Variants in CALCR observed in about 807,000 individuals in gnomAD.
The protein encoded by CALCR is calcitonin receptor.
CALCR carries 47 observed loss-of-function variants against 59.5 expected under a neutral mutation model. That is an observed-to-expected ratio of 0.79 (90% CI 0.63 to 1.01). CALCR has a LOEUF of 1.01. Among genes scored for constraint, CALCR ranks in the 50% least tolerant of loss-of-function variants. The pLI is 0.00. For synonymous variants in CALCR, 213 were observed against 211.3 expected, an observed-to-expected ratio of 1.01 and a Z score of -0.07; for missense variants, 566 against 597.1, an observed-to-expected ratio of 0.95 and a Z score of 0.54.
chr7:93,547,163 T>C (rs959868161), intron 2 of CALCR, among the ~76,000 whole-genome samples: 3 of 152,146 alleles, frequency 2.0e-5, no homozygotes, highest in Non-Finnish European at 4.4e-5. Context: ...ACTCCACTCT[T>C]GGTAGATCTG....
intron 2 of CALCR, among the ~76,000 whole-genome samples, chr7:93,498,144 A>C (rs1801249633): frequency 1.3e-5 from 2 of 151,796 alleles, no homozygotes; most frequent in South Asian, 4.1e-4. Flanking sequence ...AAAATGAAGC[A>C]ATGATGTATA....
intron 9 of CALCR, among the ~76,000 whole-genome samples, chr7:93,439,157 T>C (rs1584537229): frequency 6.6e-6 from 1 of 152,184 alleles, no homozygotes; most frequent in Non-Finnish European, 1.5e-5. Context: ...TAGGAAAGAA[T>C]TAAATCAATG....
At chr7:93,543,434 C>T (rs924690367) in intron 2 of CALCR, among the ~76,000 whole-genome samples, 3 of 152,060 alleles carry the variant, frequency 2.0e-5, no homozygotes, top group Admixed American at 6.6e-5. Flanking sequence ...CATGAGTCAC[C>T]GTGCGTGGCC....
intron 2 of CALCR, among the ~76,000 whole-genome samples, chr7:93,558,504 T>C (rs1789662695): frequency 6.6e-6 from 1 of 152,148 alleles, no homozygotes; most frequent in African/African-American, 2.4e-5. Context: ...TGTTTCTCTG[T>C]ATTTCTCAAA....
At chr7:93,522,146 A>G (rs763094409) in intron 2 of CALCR, among the ~76,000 whole-genome samples, 84 of 152,166 alleles carry the variant, frequency 5.5e-4, no homozygotes, top group Non-Finnish European at 9.7e-4. Flanking sequence ...TATCACTCAC[A>G]TCATAGAAAA....
At chr7:93,449,569 G>A (rs1273277278) in intron 8 of CALCR, among the ~76,000 whole-genome samples, 3 of 151,974 alleles carry the variant, frequency 2.0e-5, no homozygotes, top group Non-Finnish European at 4.4e-5. Flanking sequence ...AGCAGTAGTT[G>A]CTTATTAAAT....
rs184336585 is a variant in CALCR at position 93,542,484 on chromosome 7, G to A, written c.-27+31805C>T. Among the ~76,000 whole-genome samples, 14 of 152,280 alleles carry A rather than the reference G, an allele frequency of 9.2e-5. No homozygotes were observed. The East Asian group carries it at 2.7e-3, about 29-fold the overall frequency. ...GTCAATGAGTGAGTGGTGAGTGAAT[G>A]TGAAGGCCTAGGACATTACTGTACA... On this transcript the variant is annotated intron_variant, in intron 2 of 13. Transcript: ENST00000426151.
intron 2 of CALCR, among the ~76,000 whole-genome samples, chr7:93,527,288 T>C (rs2116115943): frequency 6.6e-6 from 1 of 151,854 alleles, no homozygotes; most frequent in African/African-American, 2.4e-5. Flanking sequence ...AATATATTTA[T>C]ACAAATGTAT....
intron 8 of CALCR, among the ~76,000 whole-genome samples, chr7:93,445,778 A>G (rs936226115): frequency 6.6e-6 from 1 of 152,070 alleles, no homozygotes; most frequent in Non-Finnish European, 1.5e-5. Flanking sequence ...TCCAACACAC[A>G]CATATTCTCT....
At chr7:93,549,279 A>AT (rs34709932) in intron 2 of CALCR, among the ~76,000 whole-genome samples, 11 of 151,262 alleles carry the variant, frequency 7.3e-5, no homozygotes, top group South Asian at 4.2e-4. Context: ...TCTTAGACCA[A>AT]TTTTTTTTTG....
chr7:93,475,505 G>A (rs1251360502), intron 5 of CALCR, among the ~76,000 whole-genome samples: 1 of 151,194 alleles, frequency 6.6e-6, no homozygotes, highest in African/African-American at 2.4e-5. Context: ...ATTTTTAAAA[G>A]TGGCCACAAT....
intron 9 of CALCR, among the ~76,000 whole-genome samples, chr7:93,439,181 T>C (rs970330601): frequency 4.6e-5 from 7 of 152,184 alleles, no homozygotes; most frequent in African/African-American, 1.7e-4. Flanking sequence ...TTTTATTTTC[T>C]GTGAGTTATA....
At chr7:93,460,437 T>C (rs1024537824) in intron 8 of CALCR, among the ~76,000 whole-genome samples, 6 of 149,960 alleles carry the variant, frequency 4.0e-5, no homozygotes, top group African/African-American at 1.5e-4. Flanking sequence ...ATGCCTGTAA[T>C]CCCAGCTACT....
chr7:93,570,266 C>T lies in CALCR; in HGVS notation c.-27+4023G>A, dbSNP rs141124124. 2.8e-3 allele frequency among the ~76,000 whole-genome samples: 424 copies of T among 152,126 alleles called. 3 individuals are homozygous for T. The highest frequency in any genetic ancestry group is 9.9e-3 in the African/African-American group (411 of 41,504). ...AGAAATTAAAGATTAGAAAACAAGT[C>T]TAACCATGTTCTATAACACTGAAGT... On this transcript the variant is annotated intron_variant, in intron 2 of 13. Coordinates refer to ENST00000426151, the MANE Select transcript of CALCR (RefSeq NM_001742.4).
At chr7:93,511,291 ATCT>A (rs1260146979) in intron 2 of CALCR, among the ~76,000 whole-genome samples, 3 of 152,142 alleles carry the variant, frequency 2.0e-5, no homozygotes, top group African/African-American at 4.8e-5. Flanking sequence ...ACTGCTAAAG[ATCT>A]TCTTAAACTA....
chr7:93,550,833 A>T (rs1789439505), intron 2 of CALCR, among the ~76,000 whole-genome samples: 1 of 152,144 alleles, frequency 6.6e-6, no homozygotes, highest in South Asian at 2.1e-4. Flanking sequence ...AGCTGCAAAG[A>T]GTGCACCTGT....
intron 13 of CALCR, among the ~76,000 whole-genome samples, chr7:93,429,779 G>T (rs991988092): frequency 1.3e-5 from 2 of 151,134 alleles, no homozygotes; most frequent in African/African-American, 4.9e-5. Flanking sequence ...AGATTGTAAC[G>T]CCCACTCCTT....
At chr7:93,478,567 G>A (rs1402429911) in intron 4 of CALCR, among the ~76,000 whole-genome samples, 1 of 151,566 alleles carries the variant, frequency 6.6e-6, no homozygotes, top group Non-Finnish European at 1.5e-5. Flanking sequence ...GCATGCACCT[G>A]TAGTCCCAAC....
chr7:93,573,319 A>C (rs1790047066), intron 2 of CALCR, among the ~76,000 whole-genome samples: 1 of 152,226 alleles, frequency 6.6e-6, no homozygotes. Context: ...ACGCTCTGTA[A>C]TTTAAAGATT....
Sources: allele counts gnomAD v4.1 joint callset (sites outside exome capture counted in the v4.1 genomes callset), GRCh38; gene constraint gnomAD v4.1.1; transcripts MANE v1.5; gene names NCBI Gene and HGNC (gene_info 2026-07-23, HGNC 2026-07-21).